The following NPHP4 variants were observed in gnomAD, a reference collection of about 807,000 sequenced individuals.
The protein encoded by NPHP4 is nephrocystin 4.
NPHP4 carries 151 observed loss-of-function variants against 155.8 expected under a neutral mutation model. The ratio of observed to expected loss-of-function variants is 0.97; its 90% CI spans 0.85 to 1.11. NPHP4 has a LOEUF of 1.11. Among genes scored for constraint, NPHP4 ranks in the 50% least tolerant of loss-of-function variants. The pLI, the probability that NPHP4 is intolerant of heterozygous loss-of-function variation, is 0.00. For synonymous variants in NPHP4, 845 were observed against 816.8 expected, an observed-to-expected ratio of 1.03 and a Z score of -0.59; for missense variants, 1,956 against 1,925.7, an observed-to-expected ratio of 1.02 and a Z score of -0.29.
At position 5,958,164 on chromosome 1, in the gene NPHP4, G is replaced by A. The variant is rs115052687; in HGVS notation, c.673+3630C>T. Among the ~76,000 whole-genome samples the A allele has an allele frequency of 7.1e-3, 1,074 of 152,330 alleles. 8 individuals carry two copies. Among genetic ancestry groups the A allele is most frequent in the African/African-American group, 0.024 (1,008 of 41,572 alleles). ...AATGTACTGAACACACATGAACTTC[G>A]TGGTTTTAAAACGCTCTTTAGCATA... On this transcript the variant is annotated intron_variant, in intron 6 of 29. Transcript: ENST00000378156.
At position 5,986,241 on chromosome 1, in the gene NPHP4, G is replaced by A. The variant is rs912487275; in HGVS notation, c.49C>T (p.His17Tyr). ...CAAGGCTGGCGCGCTCTCTGTGGGT[G>A]GGGAGGGACAAGCACGTTTTGGGTG... The part of the protein sequence containing the change: ...IFTQNVLVPP[H>Y]PQRARQPWKE... The change falls in exon 2 of 30, where the codon CAC (histidine) becomes TAC (tyrosine). Residue 17 changes from histidine (H) to tyrosine (Y), a missense_variant. Physicochemically the swap from His to Tyr is moderately conservative, Grantham distance 83. Coordinates refer to ENST00000378156, the MANE Select transcript of NPHP4 (RefSeq NM_015102.5). 1.2e-6 allele frequency: 2 copies of A among 1,613,760 alleles called. No homozygotes were observed. Among genetic ancestry groups the A allele is most frequent in the Non-Finnish European group, 1.7e-6 (2 of 1,179,860 alleles).
chr1:5,865,240 C>T lies in NPHP4; in HGVS notation c.3678G>A (p.Trp1226Ter). The T allele has an allele frequency of 3.1e-6, 5 of 1,588,550 alleles. No homozygotes were observed. Among genetic ancestry groups the T allele is most frequent in the Non-Finnish European group, 2.6e-6 (3 of 1,162,380 alleles). ...DRWLATPTQT[W>*]QVYLHSLQRV... The stretch of plus-strand genomic sequence containing the variant: ...GCTGCAGGGAGTGGAGGTAGACCTG[C>T]CACGTCTGTGTGGGTGTCGCCAGCC... The change falls in exon 27 of 30, where the codon TGG becomes TGA. Residue 1226 changes from tryptophan (W) to a stop codon, truncating the protein, a stop_gained. Transcript: ENST00000378156. LOFTEE classifies it high-confidence loss of function.
intron 27 of NPHP4, 21 bp downstream of exon 27, chr1:5,865,081 C>G: frequency 1.9e-6 from 3 of 1,611,510 alleles, no homozygotes; most frequent in Non-Finnish European, 8.5e-7. Context: ...AGGCTCAGAA[C>G]AGCCCCCAGA....
intron 26 of NPHP4, 32 bp from the exon 27 acceptor site, chr1:5,865,305 C>T: frequency 6.7e-7 from 1 of 1,498,380 alleles, no homozygotes; most frequent in Non-Finnish European, 9.0e-7. Context: ...CTGCACTTGT[C>T]CCGGAGGACT....
At chr1:5,886,311 G>C (rs1643797496) in intron 18 of NPHP4, among the ~76,000 whole-genome samples, 1 of 152,208 alleles carries the variant, frequency 6.6e-6, no homozygotes, top group African/African-American at 2.4e-5. Context: ...GAGCCTCCAA[G>C]TCGACTTAAC....
chr1:5,956,858 C>A (rs114085825), intron 6 of NPHP4, among the ~76,000 whole-genome samples: 2 of 152,220 alleles, frequency 1.3e-5, no homozygotes, highest in Non-Finnish European at 2.9e-5. Context: ...TATTATTGTC[C>A]CCAATTTATA....
chr1:5,867,202 G>T lies in NPHP4; in HGVS notation c.3473-87C>A. The T allele has an allele frequency of 2.0e-6, 2 of 993,660 alleles. No homozygotes were observed. The highest frequency in any genetic ancestry group is 3.0e-6 in the Non-Finnish European group (2 of 658,606). The allele number at this position is 993,660 out of a possible 1,614,324, so 61.6% of individuals were successfully genotyped here. On this transcript the variant is annotated intron_variant, in intron 24 of 29. Transcript: ENST00000378156. The surrounding 1 kb of genome is among the most constrained non-coding windows in gnomAD (Gnocchi z 4.1). ...CCCACACATTACACACTATAGGACA[G>T]GACAGGCTCGTCACAGGTGCTCAGC... is the stretch of plus-strand genomic sequence containing the variant.
At position 5,879,314 on chromosome 1, in the gene NPHP4, AG is replaced by A. The variant is rs1464485937; in HGVS notation, c.2611+799del. 9.4e-6 allele frequency: 3 copies of A among 319,108 alleles called. No homozygotes were observed. The East Asian group carries it at 2.5e-4, about 26-fold the overall frequency. 19.8% of individuals were successfully genotyped at this position (319,108 alleles called of 1,614,324 possible). A position where few individuals can be genotyped will look rare whatever the true frequency, so the allele number is the denominator to read the frequency against. On this transcript the variant is annotated intron_variant, in intron 19 of 29. Coordinates refer to ENST00000378156, the MANE Select transcript of NPHP4 (RefSeq NM_015102.5). ...CTTCCCACTTGTAATTCAAATGACA[AG>A]TACTTTATACTCAGGTCTGTGAGGC...
rs751418752 is a variant in NPHP4, at chr1:5,890,862, C to T, written c.2304+6G>A. 132 of 1,606,374 alleles carry T rather than the reference C, an allele frequency of 8.2e-5. No individual in the cohort carries two copies. Among genetic ancestry groups the T allele is most frequent in the Non-Finnish European group, 1.1e-4 (125 of 1,175,356 alleles). Reference sequence around the variant, plus strand: ...CACTGTGCCTGTCCTTCCAGAGAGCCGCTACCTTCATCTGGACGGCAGCAG... The same window carrying T: ...CACTGTGCCTGTCCTTCCAGAGAGCTGCTACCTTCATCTGGACGGCAGCAG... On this transcript the variant is annotated splice_donor_region_variant and intron_variant, in intron 17 of 29. Transcript: ENST00000378156. The surrounding 1 kb of genome is among the most constrained non-coding windows in gnomAD (Gnocchi z 4.9).
chr1:5,874,621 C>T lies in NPHP4; in HGVS notation c.3081G>A (p.Lys1027=), dbSNP rs745993624. 89 of 1,612,082 alleles carry T rather than the reference C, an allele frequency of 5.5e-5. No individual in the cohort carries two copies. The highest frequency in any genetic ancestry group is 7.3e-5 in the Non-Finnish European group (86 of 1,179,578). ...IVDSQEWRDF[K]GAAGLHTPVE... ...CCGGTGTGTGCAGGCCAGCAGCACC[C>T]TTGAAGTCCCTCCACTCCTGACTGT... is the stretch of plus-strand genomic sequence containing the variant. Residue 1027 remains lysine, a synonymous_variant, in exon 22 of 30, where the codon AAG becomes AAA. Coordinates refer to ENST00000378156, the MANE Select transcript of NPHP4 (RefSeq NM_015102.5).
intron 5 of NPHP4, among the ~76,000 whole-genome samples, chr1:5,963,251 C>G (rs1424371194): frequency 2.0e-5 from 3 of 152,052 alleles, no homozygotes; most frequent in African/African-American, 4.8e-5. Flanking sequence ...AAAAATTACC[C>G]AGGCGTGGTG....
intron 5 of NPHP4, among the ~76,000 whole-genome samples, chr1:5,964,876 CAT>C (rs1206780249): frequency 7.2e-6 from 1 of 138,920 alleles, no homozygotes; most frequent in Non-Finnish European, 1.5e-5. Context: ...ATATAACACA[CAT>C]ATAAATATAC....
intron 7 of NPHP4, among the ~76,000 whole-genome samples, chr1:5,951,298 A>G (rs1197939605): frequency 6.6e-6 from 1 of 152,228 alleles, no homozygotes; most frequent in Non-Finnish European, 1.5e-5. Flanking sequence ...TCATCACGAA[A>G]AGGGTGTGAC....
chr1:5,880,267 C>T (rs1643135939), intron 18 of NPHP4, 28 bp from the exon 19 acceptor site: 2 of 1,611,092 alleles, frequency 1.2e-6, no homozygotes, highest in Non-Finnish European at 8.5e-7. Context: ...CAACATAAGA[C>T]ATGAACCCCA....
In NPHP4 at chr1:5,896,852, G is replaced by A. The variant is rs528223585; in HGVS notation, c.2144-5824C>T. 2.6e-5 allele frequency among the ~76,000 whole-genome samples: 4 copies of A among 152,098 alleles called. No homozygotes were observed. In the South Asian group the frequency reaches 6.2e-4, roughly 24 times the overall value. On this transcript the variant is annotated intron_variant, in intron 16 of 29. Transcript: ENST00000378156. The stretch of plus-strand genomic sequence containing the variant: ...GGCACTGCTCCAGAAAGCAGGACGC[G>A]CTCAAAGTCCAATCAGAGCCGGTGA...
chr1:5,878,373 A>G (rs532193061), intron 19 of NPHP4, among the ~76,000 whole-genome samples: 30 of 152,368 alleles, frequency 2.0e-4, no homozygotes, highest in African/African-American at 7.2e-4. Context: ...TCTCCGGCAC[A>G]GGCCTGGTCT....
intron 16 of NPHP4, among the ~76,000 whole-genome samples, chr1:5,898,999 G>A (rs1430827101): frequency 6.6e-6 from 1 of 152,156 alleles, no homozygotes; most frequent in African/African-American, 2.4e-5. Flanking sequence ...ACATCAGGAT[G>A]GTTCAAAGAA....
At position 5,867,723 on chromosome 1, in the gene NPHP4, G is replaced by T. The variant is rs1570065987; in HGVS notation, c.3472+17C>A. ...GAGCCTGCAACATGTGGGCTGCAGG[G>T]TCAGTGCAGGACCTGCCTGGAAATG... On this transcript the variant is annotated intron_variant, in intron 24 of 29. Transcript: ENST00000378156. The surrounding 1 kb of genome is among the most constrained non-coding windows in gnomAD (Gnocchi z 4.1). 6.2e-7 allele frequency: 1 copy of T among 1,606,942 alleles called. No homozygotes were observed. Among genetic ancestry groups the T allele is most frequent in the Non-Finnish European group, 8.5e-7 (1 of 1,179,404 alleles).
Position 5,961,921 on chromosome 1 carries a change from G to A in NPHP4, c.546C>T (p.Asn182=), listed in dbSNP as rs1321949268. The change falls in exon 6 of 30, where the codon AAC becomes AAT. Residue 182 remains asparagine, a synonymous_variant. Transcript: ENST00000378156. ...GCTTCAGCGTGTACTGCAGGCTGCA[G>A]TTCTCAATGAGGGTCATGTGTCTGT... ...EQNRHMTLIE[N]CSLQYTLKPH... The A allele has an allele frequency of 2.5e-6, 4 of 1,608,942 alleles. 1 individual carries two copies. Among genetic ancestry groups the A allele is most frequent in the South Asian group, 2.2e-5 (2 of 90,990 alleles).
Sources: gnomAD v4.1 joint callset for allele counts (sites outside exome capture counted in the v4.1 genomes callset) on GRCh38, gnomAD v4.1.1 for gene constraint, Gnocchi (gnomAD v3.1) non-coding constraint, MANE v1.5 for transcripts, NCBI Gene and HGNC (gene_info 2026-07-23, HGNC 2026-07-21) for gene names.